PYY: variants seen among roughly 807,000 people sequenced by gnomAD.
PYY encodes peptide tyrosine tyrosine.
PYY carries 12 observed loss-of-function variants against 10.3 expected under a neutral mutation model. The observed-to-expected ratio is 1.17, with a 90% CI of 0.75 to 1.89. The LOEUF is 1.89. PYY is among the 40% of genes most tolerant of loss of function. The pLI is 0.00. For missense variants in PYY, 141 were observed against 134.0 expected, an observed-to-expected ratio of 1.05 and a Z score of -0.26; for synonymous variants, 66 against 62.0, an observed-to-expected ratio of 1.06 and a Z score of -0.30.
chr17:43,954,981 C>G (rs2048662313), upstream of PYY, among the ~76,000 whole-genome samples: 1 of 152,198 alleles, frequency 6.6e-6, no homozygotes, highest in Admixed American at 6.5e-5. Context: ...AGCTCACCCA[C>G]AATTCAAACA....
At chr17:43,970,739 G>C (rs112209498) in intron 1 of PYY, among the ~76,000 whole-genome samples, 1 of 152,138 alleles carries the variant, frequency 6.6e-6, no homozygotes, top group East Asian at 1.9e-4. Flanking sequence ...GTGTGGTCAG[G>C]CCTCTCAGCC....
intron 2 of PYY, among the ~76,000 whole-genome samples, chr17:43,960,942 G>A (rs1440442511): frequency 6.6e-6 from 1 of 151,576 alleles, no homozygotes; most frequent in Non-Finnish European, 1.5e-5. Flanking sequence ...TATGGTAGAG[G>A]TCAGGTTCCT....
intron 1 of PYY, among the ~76,000 whole-genome samples, chr17:43,997,370 C>T (rs9893218): frequency 0.01 from 1,559 of 152,150 alleles, 25 homozygotes; most frequent in African/African-American, 0.034. Flanking sequence ...GGTGGTAACA[C>T]TTGAGCAAAC....
intron 1 of PYY, among the ~76,000 whole-genome samples, chr17:43,996,403 G>T (rs2048992544): frequency 6.6e-6 from 1 of 152,168 alleles, no homozygotes; most frequent in African/African-American, 2.4e-5. Context: ...AGCCCTTCCT[G>T]AATTCCTCAT....
At chr17:43,976,319 A>ACATATG (rs11280962) in intron 1 of PYY, among the ~76,000 whole-genome samples, 596 of 55,750 alleles carry the variant, frequency 0.011, no homozygotes, top group South Asian at 0.017. Context: ...GTATATACAC[A>ACATATG]TATACATGTA....
chr17:43,995,264 C>T (rs1338584434), intron 1 of PYY, among the ~76,000 whole-genome samples: 2 of 152,234 alleles, frequency 1.3e-5, no homozygotes, highest in African/African-American at 2.4e-5. Flanking sequence ...CGCACATTAA[C>T]TTTACCTTGG....
At position 43,960,525 on chromosome 17, in the gene PYY, T is replaced by G. The variant is rs567904035; in HGVS notation, c.-217-2497A>C. On this transcript the variant is annotated intron_variant, in intron 2 of 6. Transcript: ENST00000360085. ...CCAGCCCGAGGGACGAGAGTGAGAC[T>G]TTGTCTCAAAAAAAAAAAAAAAAAA... Among the ~76,000 whole-genome samples the G allele has an allele frequency of 6.1e-4, 68 of 111,362 alleles. 1 individual carries two copies. Among genetic ancestry groups the G allele is most frequent in the Non-Finnish European group, 1.1e-3 (61 of 55,102 alleles). 73.1% of individuals were successfully genotyped at this position (111,362 alleles called of 152,430 possible).
In PYY at chr17:43,952,895, G is replaced by GA; in HGVS notation, c.*60dup. Reference sequence around the variant, plus strand: ...GCAGAATCCGGGTTTCTGGGGTCGGGAGTGCGTATGCAAATGACGTGGGCG... The same window carrying GA: ...GCAGAATCCGGGTTTCTGGGGTCGGGAAGTGCGTATGCAAATGACGTGGGCG... On this transcript the variant is annotated 3_prime_UTR_variant, in exon 4 of 4. Transcript: ENST00000692052. The GA allele has an allele frequency of 6.7e-7, 1 of 1,489,820 alleles. No individual in the cohort carries two copies. The highest frequency in any genetic ancestry group is 1.3e-5 in the South Asian group (1 of 74,896). The allele number at this position is 1,489,820 out of a possible 1,614,324, so 92.3% of individuals were successfully genotyped here.
intron 1 of PYY, among the ~76,000 whole-genome samples, chr17:43,975,472 C>G (rs1270530059): frequency 3.3e-5 from 5 of 151,802 alleles, no homozygotes; most frequent in African/African-American, 1.2e-4. Flanking sequence ...CTTTGAGAGG[C>G]CAAGTTGGGC....
chr17:44,002,071 G>C (rs2049031411), intron 1 of PYY, among the ~76,000 whole-genome samples: 2 of 152,178 alleles, frequency 1.3e-5, no homozygotes, highest in Admixed American at 6.5e-5. Flanking sequence ...ACCAGGTAGG[G>C]GGTGCAGCCC....
rs761972428 is a variant in PYY, at chr17:43,987,735, CTGT to C, written c.-463+16653_-463+16655del. On this transcript the variant is annotated intron_variant, in intron 1 of 6. Transcript: ENST00000360085. This position sits in a 1 kb window ranked among gnomAD's most constrained non-coding sequence, Gnocchi z 4.0. Reference sequence around the variant, plus strand: ...CCAGGCACTGAGAGGAGGCCAGTGCCTGTTGTTCTGAGCAAAACAGACATGGCA... The same window carrying C: ...CCAGGCACTGAGAGGAGGCCAGTGCCTGTTCTGAGCAAAACAGACATGGCA... 6.6e-6 allele frequency among the ~76,000 whole-genome samples: 1 copy of C among 152,250 alleles called. No homozygotes were observed. The highest frequency in any genetic ancestry group is 1.5e-5 in the Non-Finnish European group (1 of 68,038).
At chr17:43,993,883 C>T (rs2048973592) in intron 1 of PYY, among the ~76,000 whole-genome samples, 2 of 151,752 alleles carry the variant, frequency 1.3e-5, no homozygotes, top group African/African-American at 4.8e-5. Flanking sequence ...AGACAGGGTC[C>T]TGCTCTGTTG....
At chr17:43,970,167 C>T (rs76697850) in intron 1 of PYY, among the ~76,000 whole-genome samples, 1 of 139,684 alleles carries the variant, frequency 7.2e-6, no homozygotes, top group African/African-American at 2.7e-5. Flanking sequence ...CACCACTGTA[C>T]TCTGCCTGGA....
At chr17:43,971,257 C>T (rs1326655994) in intron 1 of PYY, among the ~76,000 whole-genome samples, 1 of 152,014 alleles carries the variant, frequency 6.6e-6, no homozygotes, top group Non-Finnish European at 1.5e-5. Flanking sequence ...GTGGATAGTG[C>T]AGCTCATCAT....
chr17:43,952,806 C>G lies in PYY; in HGVS notation c.*150G>C. The G allele has an allele frequency of 1.3e-6, 1 of 793,280 alleles. No individual in the cohort carries two copies. The highest frequency in any genetic ancestry group is 2.0e-5 in the South Asian group (1 of 51,250). 49.1% of individuals were successfully genotyped at this position (793,280 alleles called of 1,614,324 possible). On this transcript the variant is annotated 3_prime_UTR_variant, in exon 4 of 4. Transcript: ENST00000692052. ...ACACACAGCCCTCCAGCCCAGGGGGCGGGGGCACCGAGACGCGGGCGGAGG... is the reference window on the plus strand; with the variant it reads ...ACACACAGCCCTCCAGCCCAGGGGGGGGGGGCACCGAGACGCGGGCGGAGG...
chr17:43,960,553 A>AAAC (rs2048705114), intron 2 of PYY, among the ~76,000 whole-genome samples: 1 of 147,318 alleles, frequency 6.8e-6, no homozygotes, highest in Non-Finnish European at 1.5e-5. Context: ...AAAAAAAAAA[A>AAAC]AACAATATTC....
Position 43,953,190 on chromosome 17 carries a change from C to G in PYY, c.189-1G>C. ...GTCCGGGCCGTCTCTTTTCCCATAC[C>G]TGGGGGCGGGGAAGGGAAGAGCGTG... is the stretch of plus-strand genomic sequence containing the variant. On this transcript the variant is annotated splice_acceptor_variant, in intron 2 of 3. Transcript: ENST00000692052. LOFTEE classifies it high-confidence loss of function. 1 of 1,608,838 alleles carries G rather than the reference C, an allele frequency of 6.2e-7. No individual in the cohort carries two copies. Among genetic ancestry groups the G allele is most frequent in the South Asian group, 1.1e-5 (1 of 90,824 alleles).
In PYY at chr17:43,975,901, CGTACGT is replaced by C. The variant is rs2048829111; in HGVS notation, c.-462-9375_-462-9370del. Among the ~76,000 whole-genome samples the C allele has an allele frequency of 3.1e-3, 16 of 5,118 alleles. 4 individuals carry two copies. The highest frequency in any genetic ancestry group is 9.1e-3 in the Non-Finnish European group (15 of 1,642). 3.4% of individuals were successfully genotyped at this position (5,118 alleles called of 152,430 possible). A position where few individuals can be genotyped will look rare whatever the true frequency, so the allele number is the denominator to read the frequency against. On this transcript the variant is annotated intron_variant, in intron 1 of 6. Coordinates refer to the PYY transcript ENST00000360085. ...ACGTACGTGTACATACACGTGTCTA[CGTACGT>C]GTACATACACGTGTCTACGTACGTG...
At position 43,998,209 on chromosome 17, in the gene PYY, G is replaced by A. The variant is rs1567939280; in HGVS notation, c.-463+6182C>T. The stretch of plus-strand genomic sequence containing the variant: ...CCACTTTGGCCTCCCAAAGTATTGG[G>A]ATTACAGGCATGAGGCACCATGCCT... On this transcript the variant is annotated intron_variant, in intron 1 of 6. Transcript: ENST00000360085. Among the ~76,000 whole-genome samples the A allele has an allele frequency of 2.6e-5, 4 of 151,774 alleles. No homozygotes were observed. The South Asian group carries it at 8.3e-4, about 32-fold the overall frequency.
Sources: allele counts gnomAD v4.1 joint callset (sites outside exome capture counted in the v4.1 genomes callset), GRCh38; gene constraint gnomAD v4.1.1; non-coding constraint Gnocchi (gnomAD v3.1); transcripts MANE v1.5; gene names NCBI Gene and HGNC (gene_info 2026-07-23, HGNC 2026-07-21).